NCALD: variants seen among roughly 807,000 people sequenced by gnomAD.
NCALD encodes neurocalcin-delta.
NCALD carries 10 observed loss-of-function variants against 18.6 expected under a neutral mutation model. The ratio of observed to expected loss-of-function variants is 0.54; its 90% CI spans 0.33 to 0.91. The LOEUF is 0.91. NCALD is among the 40% of genes least tolerant of loss of function. NCALD has a pLI of 0.03. For missense variants in NCALD, 184 were observed against 247.6 expected (o/e 0.74, Z 1.72); for synonymous variants, 88 against 87.4 (o/e 1.01, Z -0.04).
At chr8:101,939,521 C>A (rs1818879520) in intron 2 of NCALD, among the ~76,000 whole-genome samples, 1 of 152,140 alleles carries the variant, frequency 6.6e-6, no homozygotes, top group African/African-American at 2.4e-5. Context: ...ATTGGAGTTT[C>A]TAAAAGCTTT....
At chr8:101,717,507 T>G (rs1237803645) in intron 2 of NCALD, among the ~76,000 whole-genome samples, 1 of 152,220 alleles carries the variant, frequency 6.6e-6, no homozygotes, top group Admixed American at 6.5e-5. Flanking sequence ...TGTTATCAAG[T>G]TACAGGTGTT....
intron 1 of NCALD, among the ~76,000 whole-genome samples, chr8:101,726,678 A>G (rs59323342): frequency 0.048 from 7,262 of 152,150 alleles, 382 homozygotes; most frequent in African/African-American, 0.12. Context: ...TCAGTTGGAG[A>G]TGTCAAGCAG....
intron 1 of NCALD, among the ~76,000 whole-genome samples, chr8:101,774,573 A>C (rs1055438333): frequency 6.6e-6 from 1 of 152,240 alleles, no homozygotes; most frequent in Non-Finnish European, 1.5e-5. Flanking sequence ...AGGTAGAAAG[A>C]GCAAAAGAAA....
Position 101,805,707 on chromosome 8 carries a change from C to T in NCALD, c.-20+81434G>A, listed in dbSNP as rs62517309. On this transcript the variant is annotated intron_variant, in intron 4 of 6. Transcript: ENST00000311028. ...GTGTAAAAGTTCAAGTTTAAGGGTG[C>T]TCTCAAAAACAATGGAGATTTTGAT... Among the ~76,000 whole-genome samples, 345 of 152,200 alleles carry T rather than the reference C, an allele frequency of 2.3e-3. 2 individuals are homozygous for T. Among genetic ancestry groups the T allele is most frequent in the Non-Finnish European group, 3.8e-3 (258 of 68,004 alleles).
chr8:102,043,370 T>A (rs1823120774), intron 1 of NCALD, among the ~76,000 whole-genome samples: 1 of 151,880 alleles, frequency 6.6e-6, no homozygotes, highest in South Asian at 2.1e-4. Flanking sequence ...CCTGCTGCCT[T>A]CTGTAATTGT....
intron 4 of NCALD, chr8:101,847,327 AC>A: frequency 4.0e-6 from 1 of 251,736 alleles, no homozygotes; most frequent in African/African-American, 2.3e-5. Flanking sequence ...GCACATGAAC[AC>A]CCAATTATCA....
At chr8:101,836,837 C>CT (rs550076262) in intron 4 of NCALD, among the ~76,000 whole-genome samples, 2 of 152,112 alleles carry the variant, frequency 1.3e-5, no homozygotes, top group Non-Finnish European at 2.9e-5. Flanking sequence ...GTCAGAAAGA[C>CT]TTTAAGTTTT....
At chr8:102,079,913 T>G (rs959501090) in intron 1 of NCALD, among the ~76,000 whole-genome samples, 1 of 152,188 alleles carries the variant, frequency 6.6e-6, no homozygotes, top group Non-Finnish European at 1.5e-5. Flanking sequence ...AATGGCAAAT[T>G]TGCCCAAATA....
chr8:101,748,094 C>A (rs942640968), intron 1 of NCALD, among the ~76,000 whole-genome samples: 5 of 152,158 alleles, frequency 3.3e-5, no homozygotes, highest in Admixed American at 3.3e-4. Flanking sequence ...TGGACTCAGA[C>A]CTTCCTCCTC....
intron 1 of NCALD, among the ~76,000 whole-genome samples, chr8:102,051,100 A>C (rs1007636432): frequency 2.6e-5 from 4 of 152,098 alleles, no homozygotes; most frequent in African/African-American, 9.6e-5. Context: ...GTCCAGGCCA[A>C]CTCTCTCTGC....
At chr8:102,048,307 AT>A (rs1400738651) in intron 1 of NCALD, among the ~76,000 whole-genome samples, 1 of 152,178 alleles carries the variant, frequency 6.6e-6, no homozygotes, top group Non-Finnish European at 1.5e-5. Context: ...AGTAAAGGCA[AT>A]TCTCTGAAAA....
intron 4 of NCALD, among the ~76,000 whole-genome samples, chr8:101,842,129 G>C (rs575343970): frequency 5.3e-5 from 8 of 152,196 alleles, no homozygotes; most frequent in African/African-American, 1.9e-4. Flanking sequence ...GTCTTCACAT[G>C]GTCTTCCCTC....
At chr8:101,804,159 G>T (rs1391261748) in intron 4 of NCALD, among the ~76,000 whole-genome samples, 3 of 151,058 alleles carry the variant, frequency 2.0e-5, no homozygotes, top group Admixed American at 6.6e-5. Flanking sequence ...TTATATCACA[G>T]TAATTTGTGA....
chr8:101,822,870 C>CA (rs1239404261), intron 4 of NCALD, among the ~76,000 whole-genome samples: 4 of 152,182 alleles, frequency 2.6e-5, no homozygotes, highest in Non-Finnish European at 4.4e-5. Context: ...TTTGTTCCTT[C>CA]AGCTCTTACT....
chr8:101,827,601 G>A (rs141611796), intron 4 of NCALD, among the ~76,000 whole-genome samples: 67 of 152,274 alleles, frequency 4.4e-4, no homozygotes, highest in African/African-American at 1.5e-3. Context: ...CAACCTCAGG[G>A]ATTCACACTG....
chr8:101,753,147 G>A (rs1274913334), intron 1 of NCALD, among the ~76,000 whole-genome samples: 1 of 152,114 alleles, frequency 6.6e-6, no homozygotes, highest in Non-Finnish European at 1.5e-5. Context: ...AAAACATCCA[G>A]GGCACCTTCA....
intron 1 of NCALD, among the ~76,000 whole-genome samples, chr8:102,090,977 C>T (rs898834445): frequency 6.6e-6 from 1 of 152,118 alleles, no homozygotes; most frequent in Non-Finnish European, 1.5e-5. Flanking sequence ...GTCTACAAAC[C>T]GTGTACAGGG....
intron 2 of NCALD, among the ~76,000 whole-genome samples, chr8:102,001,164 T>G (rs1180842730): frequency 6.6e-6 from 1 of 152,030 alleles, no homozygotes; most frequent in South Asian, 2.1e-4. Flanking sequence ...GAATAACCAA[T>G]GCAGAGAAGT....
chr8:101,694,071 A>C (rs1346444289), intron 2 of NCALD: 1 of 152,178 alleles, frequency 6.6e-6, no homozygotes, highest in Non-Finnish European at 1.5e-5. Flanking sequence ...GGTCAAAGGT[A>C]GTTTTTATTT....
Sources: allele counts gnomAD v4.1 joint callset (sites outside exome capture counted in the v4.1 genomes callset), GRCh38; gene constraint gnomAD v4.1.1; transcripts MANE v1.5; gene names NCBI Gene and HGNC (gene_info 2026-07-23, HGNC 2026-07-21).